The following TATDN1 variants were observed in gnomAD, a reference collection of about 807,000 sequenced individuals.
TATDN1 encodes TatD DNase domain containing 1, also known as deoxyribonuclease TATDN1.
A neutral mutation model predicts 46.4 loss-of-function variants in TATDN1; 40 were observed. The observed-to-expected ratio is 0.86, with a 90% CI of 0.67 to 1.12. TATDN1 has a LOEUF of 1.12. Among genes scored for constraint, TATDN1 ranks in the 50% most tolerant of loss-of-function variants. The pLI is 0.00. For synonymous variants in TATDN1, 95 were observed against 105.6 expected, an observed-to-expected ratio of 0.90 and a Z score of 0.62; for missense variants, 326 against 348.4, an observed-to-expected ratio of 0.94 and a Z score of 0.51.
At chr8:124,509,635 T>C (rs1818831600) in intron 6 of TATDN1, among the ~76,000 whole-genome samples, 1 of 152,248 alleles carries the variant, frequency 6.6e-6, no homozygotes, top group African/African-American at 2.4e-5. Flanking sequence ...TAAGCCTCTC[T>C]TGCTATATTT....
At chr8:124,524,048 G>C (rs955538308) in intron 1 of TATDN1, among the ~76,000 whole-genome samples, 1 of 152,154 alleles carries the variant, frequency 6.6e-6, no homozygotes, top group African/African-American at 2.4e-5. Context: ...TGCGGTGGTG[G>C]TAGGCAGCTG....
intron 9 of TATDN1, among the ~76,000 whole-genome samples, chr8:124,500,002 G>A (rs1367800432): frequency 6.6e-6 from 1 of 151,650 alleles, no homozygotes; most frequent in Non-Finnish European, 1.5e-5. Context: ...CCACCACCAT[G>A]CCCAGCTAAT....
intron 1 of TATDN1, among the ~76,000 whole-genome samples, chr8:124,525,675 C>T (rs776837873): frequency 6.6e-6 from 1 of 152,140 alleles, no homozygotes; most frequent in Non-Finnish European, 1.5e-5. Flanking sequence ...TTATTACAAA[C>T]ACTGTAACAT....
chr8:124,535,491 G>T (rs1387107036), intron 1 of TATDN1, among the ~76,000 whole-genome samples: 1 of 152,156 alleles, frequency 6.6e-6, no homozygotes, highest in Non-Finnish European at 1.5e-5. Context: ...GACATTTTTG[G>T]AACAACAGGA....
At chr8:124,535,304 A>C (rs993459517) in intron 1 of TATDN1, among the ~76,000 whole-genome samples, 7 of 152,364 alleles carry the variant, frequency 4.6e-5, no homozygotes, top group Admixed American at 2.6e-4. Context: ...CACAGTACAC[A>C]AAAGGGCAGA....
chr8:124,522,874 T>A (rs1331441470), intron 2 of TATDN1, 63 bp downstream of exon 2: 2 of 1,380,014 alleles, frequency 1.4e-6, no homozygotes, highest in East Asian at 4.6e-5. Context: ...CTTTTCAAGA[T>A]CTCCTGAGGC....
intron 10 of TATDN1, 49 bp downstream of exon 10, chr8:124,495,420 CTTT>C (rs1817378424): frequency 2.8e-6 from 4 of 1,415,756 alleles, no homozygotes; most frequent in Admixed American, 4.5e-5. Context: ...TCCAGCTTTC[CTTT>C]TTGTTTGGTA....
chr8:124,507,211 T>C (rs531679656), intron 8 of TATDN1, among the ~76,000 whole-genome samples: 7 of 151,734 alleles, frequency 4.6e-5, no homozygotes, highest in Non-Finnish European at 7.4e-5. Flanking sequence ...GGTTAGCAGA[T>C]AGTATTTATG....
rs185156474 is a variant in TATDN1, at chr8:124,501,645, A to T, written c.593+2626T>A. On this transcript the variant is annotated intron_variant, in intron 9 of 11. Transcript: ENST00000276692. Reference sequence around the variant, plus strand: ...GAAAACAAAAGTTGAAGTAAATTTCATAAAAAGGGTTACAAAATATAGCAC... The same window carrying T: ...GAAAACAAAAGTTGAAGTAAATTTCTTAAAAAGGGTTACAAAATATAGCAC... Among the ~76,000 whole-genome samples the T allele has an allele frequency of 7.2e-5, 11 of 152,360 alleles. No homozygotes were observed. In the East Asian group the frequency reaches 1.9e-3, roughly 27 times the overall value.
At chr8:124,489,410 TTTTCTTTTTTC>T (rs1816737374) in intron 11 of TATDN1, 1 of 151,500 alleles carries the variant, frequency 6.6e-6, no homozygotes, top group African/African-American at 2.4e-5. Flanking sequence ...TTTCTTTTTT[TTTTCTTTTTTC>T]TTTCTTTTTT....
chr8:124,512,964 G>C (rs899258632), intron 6 of TATDN1, among the ~76,000 whole-genome samples: 10 of 151,956 alleles, frequency 6.6e-5, no homozygotes, highest in African/African-American at 2.4e-4. Flanking sequence ...GCCCGGGCTG[G>C]AGTCCAATGT....
At chr8:124,516,518 C>T (rs1819488009) in intron 4 of TATDN1, among the ~76,000 whole-genome samples, 1 of 151,830 alleles carries the variant, frequency 6.6e-6, no homozygotes, top group Admixed American at 6.6e-5. Flanking sequence ...CTACGTTGCC[C>T]AGGCTGGTCT....
chr8:124,506,334 CAAAAAAAAAAAAAAA>C (rs56023168), intron 8 of TATDN1, among the ~76,000 whole-genome samples: 1 of 52,526 alleles, frequency 1.9e-5, no homozygotes, highest in African/African-American at 7.0e-5. Flanking sequence ...GGCTCTGTCT[CAAAAAAAAAAAAAAA>C]AAAAAAAGAA....
At chr8:124,536,498 T>G (rs1821438523) in intron 1 of TATDN1, among the ~76,000 whole-genome samples, 1 of 152,146 alleles carries the variant, frequency 6.6e-6, no homozygotes, top group South Asian at 2.1e-4. Context: ...AGCCATGATC[T>G]AAGCCACTGT....
intron 6 of TATDN1, among the ~76,000 whole-genome samples, chr8:124,511,397 C>A (rs544852526): frequency 2.3e-3 from 344 of 152,278 alleles, no homozygotes; most frequent in African/African-American, 7.6e-3. Context: ...TCTCTAGGGT[C>A]CCCTAAATCC....
Position 124,536,056 on chromosome 8 carries a change from CTGT to C in TATDN1, c.22+2966_22+2968del, listed in dbSNP as rs769161929. Among the ~76,000 whole-genome samples the C allele has an allele frequency of 2.6e-5, 4 of 152,294 alleles. 1 individual carries two copies. The South Asian group carries it at 6.2e-4, about 24-fold the overall frequency. On this transcript the variant is annotated intron_variant, in intron 1 of 11. Coordinates refer to ENST00000276692, the MANE Select transcript of TATDN1 (RefSeq NM_032026.4). The stretch of plus-strand genomic sequence containing the variant: ...ATGGAATATGATGTTTTTATTTTCA[CTGT>C]TGTTTGTATTTTGCATTTTCTTCTT...
chr8:124,534,435 A>C (rs936942299), intron 1 of TATDN1, among the ~76,000 whole-genome samples: 2 of 152,106 alleles, frequency 1.3e-5, no homozygotes, highest in Non-Finnish European at 2.9e-5. Flanking sequence ...AAAAATGCAA[A>C]CTGCTTTCTC....
chr8:124,488,732 C>A, intron 11 of TATDN1, 36 bp from the exon 12 acceptor site: 1 of 1,195,252 alleles, frequency 8.4e-7, no homozygotes, highest in Non-Finnish European at 1.2e-6. Context: ...GTTAAATCTC[C>A]AAGTATACAT....
intron 9 of TATDN1, among the ~76,000 whole-genome samples, chr8:124,500,859 G>A (rs896535352): frequency 6.6e-6 from 1 of 152,048 alleles, no homozygotes; most frequent in African/African-American, 2.4e-5. Context: ...GCTGAAAGTG[G>A]ACAGAGAAAT....
Sources: gnomAD v4.1 joint callset for allele counts (sites outside exome capture counted in the v4.1 genomes callset) on GRCh38, gnomAD v4.1.1 for gene constraint, MANE v1.5 for transcripts, NCBI Gene and HGNC (gene_info 2026-07-23, HGNC 2026-07-21) for gene names.